Variants in GRM5 observed in about 807,000 individuals in gnomAD.
GRM5 encodes glutamate metabotropic receptor 5.
A neutral mutation model predicts 83.1 loss-of-function variants in GRM5; 19 were observed. That is an observed-to-expected ratio of 0.23 (90% CI 0.16 to 0.34). The LOEUF (loss-of-function observed/expected upper bound fraction) is 0.34. Among genes scored for constraint, GRM5 ranks in the 10% least tolerant of loss-of-function variants. GRM5 has a pLI of 1.00. For missense variants in GRM5, 1,160 were observed against 1,588.3 expected, an observed-to-expected ratio of 0.73 and a Z score of 4.58; for synonymous variants, 675 against 633.6, an observed-to-expected ratio of 1.07 and a Z score of -0.98.
chr11:88,728,147 A>T (rs1457080905), intron 3 of GRM5, among the ~76,000 whole-genome samples: 5 of 152,292 alleles, frequency 3.3e-5, no homozygotes, highest in Admixed American at 3.3e-4. Flanking sequence ...AAAAAAGAAA[A>T]AAAGAGAAGA....
chr11:88,956,974 G>A (rs1938637519), intron 2 of GRM5, among the ~76,000 whole-genome samples: 1 of 136,744 alleles, frequency 7.3e-6, no homozygotes, highest in Non-Finnish European at 1.7e-5. Context: ...AATACATGAA[G>A]TATTTAGTCC....
chr11:88,993,264 T>TC (rs1555056068), intron 2 of GRM5, among the ~76,000 whole-genome samples: 2 of 20,176 alleles, frequency 9.9e-5, no homozygotes, highest in African/African-American at 3.2e-4. Context: ...AGACTCTGTC[T>TC]CAAAAAAAAA....
chr11:88,753,304 T>G (rs994224970), intron 3 of GRM5, among the ~76,000 whole-genome samples: 2 of 152,132 alleles, frequency 1.3e-5, no homozygotes, highest in Admixed American at 6.6e-5. Flanking sequence ...TGAACAGACA[T>G]TTCTCAAAAG....
rs754824161 is a variant in GRM5 at position 88,505,953 on chromosome 11, T to C, written c.*2639A>G. On this transcript the variant is annotated 3_prime_UTR_variant, in exon 10 of 10. Transcript: ENST00000305447. Reference sequence around the variant, plus strand: ...TATTACTTGGAACCTGGTATTAGAATTGGCAAAGAGACAGAGTTAGCATCA... The same window carrying C: ...TATTACTTGGAACCTGGTATTAGAACTGGCAAAGAGACAGAGTTAGCATCA... The C allele has an allele frequency of 2.0e-5, 3 of 152,188 alleles. No homozygotes were observed. Among genetic ancestry groups the C allele is most frequent in the Non-Finnish European group, 4.4e-5 (3 of 68,016 alleles). 9.4% of individuals were successfully genotyped at this position (152,188 alleles called of 1,614,324 possible).
intron 3 of GRM5, among the ~76,000 whole-genome samples, chr11:88,659,194 T>A (rs1939841163): frequency 6.6e-6 from 1 of 152,134 alleles, no homozygotes; most frequent in African/African-American, 2.4e-5. Flanking sequence ...GGGAGGAGAA[T>A]AACAACATTG....
intron 2 of GRM5, among the ~76,000 whole-genome samples, chr11:88,931,595 A>G (rs190797321): frequency 7.8e-4 from 119 of 152,244 alleles, no homozygotes; most frequent in African/African-American, 2.4e-3. Flanking sequence ...GCATGAGCAA[A>G]GACAGAGACT....
At chr11:89,022,443 C>A (rs1472858060) in intron 2 of GRM5, among the ~76,000 whole-genome samples, 1 of 150,106 alleles carries the variant, frequency 6.7e-6, no homozygotes, top group African/African-American at 2.5e-5. Context: ...GAGCTCGAGA[C>A]CAGCCTGGCC....
Position 88,951,736 on chromosome 11 carries a change from TA to T in GRM5, c.661+95475del, listed in dbSNP as rs1288809261. 2.6e-5 allele frequency among the ~76,000 whole-genome samples: 4 copies of T among 152,232 alleles called. No homozygotes were observed. The East Asian group carries it at 5.8e-4, about 22-fold the overall frequency. On this transcript the variant is annotated intron_variant, in intron 2 of 9. Coordinates refer to ENST00000305447, the MANE Select transcript of GRM5 (RefSeq NM_001143831.3). ...CTATAGTGCAAGGATGTTGTGAGGC[TA>T]AAGATATTTTAAGTACAATTGTTGG...
At chr11:88,748,400 G>A (rs1285914392) in intron 3 of GRM5, among the ~76,000 whole-genome samples, 1 of 152,110 alleles carries the variant, frequency 6.6e-6, no homozygotes, top group Non-Finnish European at 1.5e-5. Context: ...CCACTGGCTT[G>A]GAATCCTAGG....
chr11:88,703,399 A>G (rs567688570), intron 3 of GRM5, among the ~76,000 whole-genome samples: 16 of 147,302 alleles, frequency 1.1e-4, no homozygotes, highest in African/African-American at 3.7e-4. Context: ...TGGTATGTAG[A>G]CATCTCATGT....
At chr11:88,729,714 T>C (rs985901850) in intron 3 of GRM5, among the ~76,000 whole-genome samples, 1 of 151,952 alleles carries the variant, frequency 6.6e-6, no homozygotes, top group African/African-American at 2.4e-5. Flanking sequence ...GCCTCAGAAA[T>C]AACATCACAC....
chr11:89,005,045 G>A (rs1940487609), intron 2 of GRM5, among the ~76,000 whole-genome samples: 1 of 152,170 alleles, frequency 6.6e-6, no homozygotes, highest in Non-Finnish European at 1.5e-5. Flanking sequence ...TCTAGGCTTA[G>A]GACATTACTG....
chr11:88,582,884 A>C lies in GRM5; in HGVS notation c.1690+7717T>G, dbSNP rs188807305. Among the ~76,000 whole-genome samples, 192 of 152,224 alleles carry C rather than the reference A, an allele frequency of 1.3e-3. 1 individual carries two copies. Among genetic ancestry groups the C allele is most frequent in the African/African-American group, 4.4e-3 (183 of 41,528 alleles). On this transcript the variant is annotated intron_variant, in intron 7 of 9. Transcript: ENST00000305447. ...CTAAAATGTGATTGTGGAGAGAGACAGGTAGTATAGCATAAAAACCCCAGA... is the reference window on the plus strand; with the variant it reads ...CTAAAATGTGATTGTGGAGAGAGACCGGTAGTATAGCATAAAAACCCCAGA...
intron 3 of GRM5, among the ~76,000 whole-genome samples, chr11:88,702,035 T>C (rs1392938738): frequency 6.6e-6 from 1 of 152,072 alleles, no homozygotes; most frequent in Non-Finnish European, 1.5e-5. Flanking sequence ...AAATGAGTCA[T>C]ATTTGACCTC....
At chr11:88,540,668 C>A (rs1555064985) in intron 8 of GRM5, among the ~76,000 whole-genome samples, 1 of 152,172 alleles carries the variant, frequency 6.6e-6, no homozygotes, top group Non-Finnish European at 1.5e-5. Context: ...ACTCAAATCA[C>A]AAGTCTATGA....
At chr11:89,008,844 A>G (rs1216775815) in intron 2 of GRM5, among the ~76,000 whole-genome samples, 2 of 152,184 alleles carry the variant, frequency 1.3e-5, no homozygotes, top group Non-Finnish European at 2.9e-5. Flanking sequence ...TAGAAGATAG[A>G]AGGAACAATA....
intron 9 of GRM5, among the ~76,000 whole-genome samples, chr11:88,520,559 T>C (rs955561868): frequency 2.0e-5 from 3 of 151,846 alleles, no homozygotes; most frequent in African/African-American, 4.8e-5. Context: ...GAGTTTTATA[T>C]TGCATTGCAG....
chr11:88,978,973 T>G (rs999852895), intron 2 of GRM5, among the ~76,000 whole-genome samples: 1 of 152,146 alleles, frequency 6.6e-6, no homozygotes, highest in Admixed American at 6.6e-5. Context: ...TACTATAGAG[T>G]GTATCAAAAT....
intron 8 of GRM5, among the ~76,000 whole-genome samples, chr11:88,555,962 C>T (rs1417426646): frequency 6.6e-6 from 1 of 152,096 alleles, no homozygotes; most frequent in Non-Finnish European, 1.5e-5. Context: ...AATGCACTGC[C>T]AAACCACAAC....
Sources: allele counts gnomAD v4.1 joint callset (sites outside exome capture counted in the v4.1 genomes callset), GRCh38; gene constraint gnomAD v4.1.1; transcripts MANE v1.5; gene names NCBI Gene and HGNC (gene_info 2026-07-23, HGNC 2026-07-21).